The following RTL9 variants were observed in gnomAD, a reference collection of about 807,000 sequenced individuals.
RTL9 encodes the protein retrotransposon Gag-like protein 9.
A neutral mutation model predicts 44.7 loss-of-function variants in RTL9; 19 were observed. The ratio of observed to expected loss-of-function variants is 0.42; its 90% CI spans 0.30 to 0.62. RTL9 has a LOEUF of 0.62. Among genes scored for constraint, RTL9 ranks in the 20% least tolerant of loss-of-function variants. The probability of loss-of-function intolerance (pLI) is 0.16; values close to 1 mark genes in which losing one functional copy is unlikely to be tolerated. For missense variants in RTL9, 1,105 were observed against 1,080.6 expected (o/e 1.02, Z -0.32); for synonymous variants, 407 against 398.9 (o/e 1.02, Z -0.24).
At chrX:110,454,095 G>C (rs1412160772) in exon 1 of RTL9, 2 of 1,212,105 alleles carry the variant, frequency 1.7e-6, no homozygotes, top group Non-Finnish European at 2.2e-6. Context: ...AGCAGCCCGG[G>C]GCTCATGCTC....
Position 110,366,855 on chromosome X carries a change from A to G in RTL9, c.-168+7939A>G, listed in dbSNP as rs761588524. Among the ~76,000 whole-genome samples, 8 of 112,056 alleles carry G rather than the reference A, an allele frequency of 7.1e-5. No individual in the cohort carries two copies. In the South Asian group the frequency reaches 3.0e-3, roughly 42 times the overall value. The stretch of plus-strand genomic sequence containing the variant: ...CTTAGTACTATCTGCTAACTTCACT[A>G]CATTCATTTCATCCATTCATTCTTG... On this transcript the variant is annotated intron_variant, in intron 1 of 2. Transcript: ENST00000520821.
At chrX:110,408,934 T>C (rs74996434) in intron 1 of RTL9, among the ~76,000 whole-genome samples, 1 of 112,053 alleles carries the variant, frequency 8.9e-6, no homozygotes, top group Non-Finnish European at 1.9e-5. Context: ...AGAAATTTAA[T>C]TTCAGGATAG....
chrX:110,452,836 C>A (rs1366529298), exon 1 of RTL9: 2 of 1,209,663 alleles, frequency 1.7e-6, no homozygotes, highest in East Asian at 5.9e-5. Context: ...AAGTCCATGA[C>A]CGCTGGAGGG....
exon 1 of RTL9, chrX:110,453,459 G>A (rs754486365): frequency 5.0e-6 from 6 of 1,212,111 alleles, no homozygotes; most frequent in Non-Finnish European, 6.7e-6. Flanking sequence ...GGTCTCTGGA[G>A]GGATGTCCAA....
upstream of RTL9, among the ~76,000 whole-genome samples, chrX:110,447,028 C>T (rs946151365): frequency 1.3e-4 from 14 of 105,700 alleles, no homozygotes; most frequent in Non-Finnish European, 2.7e-4. Flanking sequence ...GCACAGTAAA[C>T]GTTAGCTTTA....
Position 110,365,646 on chromosome X carries a change from A to G in RTL9, c.-168+6730A>G, listed in dbSNP as rs760722733. Among the ~76,000 whole-genome samples the G allele has an allele frequency of 1.7e-4, 19 of 111,948 alleles. No individual in the cohort carries two copies. The South Asian group carries it at 6.8e-3, about 40-fold the overall frequency. On this transcript the variant is annotated intron_variant, in intron 1 of 2. Coordinates refer to the RTL9 transcript ENST00000520821. ...ACATTCTGATTCTATCAGTGTTCCT[A>G]GGGCTTCAAATCTGTCTGTGCAAAA...
At chrX:110,449,263 C>G (rs933456363), upstream of RTL9, among the ~76,000 whole-genome samples, 1 of 111,988 alleles carries the variant, frequency 8.9e-6, no homozygotes, top group Non-Finnish European at 1.9e-5. Flanking sequence ...ACCGAAATCT[C>G]TTAGTGTTGC....
rs540713546 is a variant in RTL9, at chrX:110,440,773, T to C, written c.-167-4380T>C. On this transcript the variant is annotated intron_variant, in intron 1 of 3. Coordinates refer to the RTL9 transcript ENST00000465301. ...CATTTCTTTTGGCCTTTGGCATAAG[T>C]AAATGTCAGCTTCTTAAAAATCAAC... Among the ~76,000 whole-genome samples, 5 of 112,611 alleles carry C rather than the reference T, an allele frequency of 4.4e-5. No homozygotes were observed. In the South Asian group the frequency reaches 1.9e-3, roughly 42 times the overall value.
intron 1 of RTL9, among the ~76,000 whole-genome samples, chrX:110,404,827 A>T (rs945575367): frequency 9.0e-6 from 1 of 111,516 alleles, no homozygotes; most frequent in African/African-American, 3.3e-5. Flanking sequence ...GTAACTCACG[A>T]TTTTTCTTGG....
At chrX:110,406,140 G>C (rs1196912658) in intron 1 of RTL9, among the ~76,000 whole-genome samples, 1 of 108,871 alleles carries the variant, frequency 9.2e-6, no homozygotes, top group African/African-American at 3.4e-5. Context: ...CAAGTTCTGT[G>C]TTACATGTGC....
intron 1 of RTL9, among the ~76,000 whole-genome samples, chrX:110,429,118 A>C (rs1454097302): frequency 9.0e-6 from 1 of 111,633 alleles, no homozygotes; most frequent in East Asian, 2.8e-4. Flanking sequence ...CTCATCTCCT[A>C]CTGTTCCAGA....
intron 1 of RTL9, among the ~76,000 whole-genome samples, chrX:110,428,600 T>TC (rs1249086512): frequency 9.1e-6 from 1 of 110,071 alleles, no homozygotes; most frequent in Non-Finnish European, 1.9e-5. Flanking sequence ...ATCTGAACAC[T>TC]CCCCCCCTCT....
chrX:110,375,573 A>G (rs2148267773), intron 1 of RTL9, among the ~76,000 whole-genome samples: 1 of 111,929 alleles, frequency 8.9e-6, no homozygotes, highest in Admixed American at 9.4e-5. Flanking sequence ...TCAATCAATC[A>G]ATCAATTAGA....
intron 1 of RTL9, among the ~76,000 whole-genome samples, chrX:110,389,305 T>G (rs1208420103): frequency 8.9e-6 from 1 of 112,821 alleles, no homozygotes; most frequent in Non-Finnish European, 1.9e-5. Context: ...TGTAAAATGT[T>G]GTTTAGGAAA....
At chrX:110,436,362 G>T (rs2068838465) in intron 1 of RTL9, among the ~76,000 whole-genome samples, 1 of 111,766 alleles carries the variant, frequency 8.9e-6, no homozygotes. Context: ...CTTAAGGAGA[G>T]CTCTTTAAAC....
chrX:110,429,473 T>G (rs766131110), intron 1 of RTL9, among the ~76,000 whole-genome samples: 3,075 of 81,326 alleles, frequency 0.038, 60 homozygotes, highest in African/African-American at 0.13. Context: ...TTTTTTTTTT[T>G]GTTTTGTTTT....
chrX:110,385,529 C>G (rs774208091), intron 1 of RTL9, among the ~76,000 whole-genome samples: 1 of 111,735 alleles, frequency 8.9e-6, no homozygotes, highest in Non-Finnish European at 1.9e-5. Flanking sequence ...CCCTCTCCCC[C>G]TTCCCAGCTC....
upstream of RTL9, among the ~76,000 whole-genome samples, chrX:110,417,548 C>A (rs1034599562): frequency 8.9e-6 from 1 of 111,870 alleles, no homozygotes; most frequent in Non-Finnish European, 1.9e-5. Context: ...GTCTTTGCAT[C>A]TTCCCAGCAG....
upstream of RTL9, among the ~76,000 whole-genome samples, chrX:110,418,704 C>A (rs1488132296): frequency 2.7e-5 from 3 of 111,522 alleles, no homozygotes; most frequent in Admixed American, 9.5e-5. Flanking sequence ...TCAGAGACAG[C>A]GCATGGGAGC....
Sources: allele counts gnomAD v4.1 joint callset (sites outside exome capture counted in the v4.1 genomes callset), GRCh38; gene constraint gnomAD v4.1.1; transcripts MANE v1.5; gene names NCBI Gene and HGNC (gene_info 2026-07-23, HGNC 2026-07-21).